Variants in KSR2 observed in about 807,000 individuals in gnomAD.
The protein encoded by KSR2 is kinase suppressor of ras 2.
A neutral mutation model predicts 107.8 loss-of-function variants in KSR2; 25 were observed. The ratio of observed to expected loss-of-function variants is 0.23; its 90% CI spans 0.17 to 0.32. KSR2 has a LOEUF of 0.32. KSR2 is among the 10% of genes least tolerant of loss of function. KSR2 has a pLI of 1.00. For missense variants in KSR2, 887 were observed against 1,268.9 expected (o/e 0.70, Z 4.57); for synonymous variants, 480 against 507.0 (o/e 0.95, Z 0.71).
At chr12:117,760,904 G>C (rs1015300962) in intron 4 of KSR2, 107 bp downstream of exon 4, 51 of 1,385,388 alleles carry the variant, frequency 3.7e-5, no homozygotes, top group East Asian at 1.7e-4. Context: ...AGTCTGGAAC[G>C]CAAGTCTGTT....
chr12:117,559,387 C>CA (rs1328255829), intron 7 of KSR2, among the ~76,000 whole-genome samples: 19 of 152,170 alleles, frequency 1.2e-4, no homozygotes, highest in Admixed American at 2.6e-4. Flanking sequence ...ATCATCATCA[C>CA]AATTCTTCTC....
At chr12:117,890,384 A>C (rs191026294) in intron 1 of KSR2, among the ~76,000 whole-genome samples, 25 of 152,342 alleles carry the variant, frequency 1.6e-4, no homozygotes, top group Non-Finnish European at 2.9e-4. Flanking sequence ...AGAGCACCAG[A>C]TAGTACCTTT....
At chr12:117,499,659 T>C (rs537976733) in intron 14 of KSR2, among the ~76,000 whole-genome samples, 5 of 152,354 alleles carry the variant, frequency 3.3e-5, no homozygotes, top group Non-Finnish European at 5.9e-5. Flanking sequence ...TGGTCCTCTT[T>C]GGAAGTGGGC....
chr12:117,554,583 G>T (rs1419843990), intron 9 of KSR2, among the ~76,000 whole-genome samples: 1 of 152,166 alleles, frequency 6.6e-6, no homozygotes, highest in East Asian at 1.9e-4. Context: ...AATCATGGGG[G>T]CTGGTCTTTC....
intron 7 of KSR2, among the ~76,000 whole-genome samples, chr12:117,567,751 C>T (rs1325157327): frequency 6.6e-6 from 1 of 151,890 alleles, no homozygotes. Flanking sequence ...GCATTCTGGT[C>T]TCATGTGAGT....
chr12:117,793,432 CCAA>C (rs1256561733), intron 3 of KSR2, among the ~76,000 whole-genome samples: 8 of 150,690 alleles, frequency 5.3e-5, no homozygotes, highest in African/African-American at 1.5e-4. Context: ...TGCACACACA[CCAA>C]CATGCACACT....
intron 3 of KSR2, among the ~76,000 whole-genome samples, chr12:117,810,060 G>A (rs1012175833): frequency 2.0e-5 from 3 of 152,178 alleles, no homozygotes; most frequent in Non-Finnish European, 2.9e-5. Flanking sequence ...GCCCGAATGA[G>A]CCTTTGCTGA....
Position 117,854,875 on chromosome 12 carries a change from A to G in KSR2, c.472+553T>C, listed in dbSNP as rs1454696306. 3.8e-5 allele frequency among the ~76,000 whole-genome samples: 4 copies of G among 104,476 alleles called. No homozygotes were observed. The East Asian group carries it at 1.3e-3, about 33-fold the overall frequency. The allele number at this position is 104,476 out of a possible 152,430, so 68.5% of individuals were successfully genotyped here. Reference sequence around the variant, plus strand: ...GTCACAGAGGTTATTTTATTAGGTGAAAAAAAAAAAAATTTAAGCAATATG... The same window carrying G: ...GTCACAGAGGTTATTTTATTAGGTGGAAAAAAAAAAAATTTAAGCAATATG... On this transcript the variant is annotated intron_variant, in intron 3 of 19. Transcript: ENST00000339824.
chr12:117,908,493 A>G (rs927166557), intron 1 of KSR2, among the ~76,000 whole-genome samples: 3 of 152,226 alleles, frequency 2.0e-5, no homozygotes, highest in Non-Finnish European at 4.4e-5. Flanking sequence ...CTATCCGGAG[A>G]ATGTCCACAG....
chr12:117,894,913 T>A (rs961040110), intron 1 of KSR2, among the ~76,000 whole-genome samples: 1 of 151,720 alleles, frequency 6.6e-6, no homozygotes, highest in East Asian at 1.9e-4. Flanking sequence ...CAGTCTCAGG[T>A]ATGTAATTAT....
chr12:117,713,807 C>G (rs1284569189), intron 4 of KSR2, among the ~76,000 whole-genome samples: 2 of 151,502 alleles, frequency 1.3e-5, no homozygotes, highest in Non-Finnish European at 2.9e-5. Flanking sequence ...GGACCCGCTC[C>G]CTAAGGGATG....
Position 117,634,016 on chromosome 12 carries a change from C to T in KSR2, c.1171+33458G>A, listed in dbSNP as rs987197526. 2.0e-5 allele frequency among the ~76,000 whole-genome samples: 3 copies of T among 152,324 alleles called. 1 individual carries two copies. The East Asian group carries it at 5.8e-4, about 29-fold the overall frequency. Reference sequence around the variant, plus strand: ...TCTGGATGATTTGTTTTCCCATTTCCTATCTGGCAATCAGTCCATAAAGGC... The same window carrying T: ...TCTGGATGATTTGTTTTCCCATTTCTTATCTGGCAATCAGTCCATAAAGGC... On this transcript the variant is annotated intron_variant, in intron 5 of 19. Transcript: ENST00000339824.
intron 16 of KSR2, 21 bp downstream of exon 16, chr12:117,484,395 G>A: frequency 6.2e-7 from 1 of 1,613,072 alleles, no homozygotes; most frequent in South Asian, 1.1e-5. Context: ...AAACTCTCCG[G>A]GTCTTCCCAC....
intron 7 of KSR2, among the ~76,000 whole-genome samples, chr12:117,564,481 G>C (rs1326181232): frequency 7.9e-6 from 1 of 126,128 alleles, no homozygotes; most frequent in African/African-American, 2.6e-5. Flanking sequence ...CTGCAAACTT[G>C]GAAAGGATTT....
chr12:117,725,016 G>A (rs1379811624), intron 4 of KSR2, among the ~76,000 whole-genome samples: 2 of 151,758 alleles, frequency 1.3e-5, no homozygotes, highest in African/African-American at 2.4e-5. Flanking sequence ...AACAAGAACA[G>A]GGATGCTCAG....
At chr12:117,626,524 T>C (rs986670086) in intron 5 of KSR2, among the ~76,000 whole-genome samples, 5 of 152,228 alleles carry the variant, frequency 3.3e-5, no homozygotes, top group Admixed American at 2.6e-4. Context: ...TTTGAGTGAG[T>C]TTCTTAATCC....
At chr12:117,595,434 G>A (rs969075372) in intron 5 of KSR2, among the ~76,000 whole-genome samples, 3 of 132,102 alleles carry the variant, frequency 2.3e-5, no homozygotes, top group South Asian at 2.3e-4. Context: ...GCGCAATCTC[G>A]GCTCACTGCA....
intron 1 of KSR2, among the ~76,000 whole-genome samples, chr12:117,880,049 G>C (rs1238956472): frequency 6.6e-6 from 1 of 152,122 alleles, no homozygotes; most frequent in Non-Finnish European, 1.5e-5. Flanking sequence ...GGGAGGCTGA[G>C]GCAGGAGAAT....
intron 3 of KSR2, among the ~76,000 whole-genome samples, chr12:117,846,007 A>G (rs1231789951): frequency 1.3e-5 from 2 of 151,730 alleles, no homozygotes; most frequent in African/African-American, 4.8e-5. Flanking sequence ...AGATCTCTCC[A>G]AAGAAAAAGA....
Sources: gnomAD v4.1 joint callset for allele counts (sites outside exome capture counted in the v4.1 genomes callset) on GRCh38, gnomAD v4.1.1 for gene constraint, MANE v1.5 for transcripts, NCBI Gene and HGNC (gene_info 2026-07-23, HGNC 2026-07-21) for gene names.